Variants in SKAP2 observed in about 807,000 individuals in gnomAD.
SKAP2 encodes src kinase-associated phosphoprotein 2.
A neutral mutation model predicts 54.9 loss-of-function variants in SKAP2; 28 were observed. The observed-to-expected ratio is 0.51, with a 90% CI of 0.38 to 0.70. The LOEUF (loss-of-function observed/expected upper bound fraction) is 0.70. Ranked by LOEUF, SKAP2 falls within the 30% of genes least tolerant of loss-of-function variation. The pLI, the probability that SKAP2 is intolerant of heterozygous loss-of-function variation, is 0.00. For missense variants in SKAP2, 356 were observed against 424.1 expected (o/e 0.84, Z 1.41); for synonymous variants, 137 against 134.3 (o/e 1.02, Z -0.14).
downstream of SKAP2, among the ~76,000 whole-genome samples, chr7:26,664,837 C>T (rs1399296565): frequency 9.2e-5 from 14 of 151,908 alleles, no homozygotes; most frequent in Non-Finnish European, 1.0e-4. Flanking sequence ...TCTATATTCA[C>T]GCCTTTGCAC....
intron 4 of SKAP2, among the ~76,000 whole-genome samples, chr7:26,810,985 T>C (rs1784131182): frequency 6.6e-6 from 1 of 152,122 alleles, no homozygotes; most frequent in Non-Finnish European, 1.5e-5. Context: ...CAGCCCTATA[T>C]ATAATTTTAA....
At chr7:26,725,088 T>C (rs1004834285) in intron 9 of SKAP2, among the ~76,000 whole-genome samples, 2 of 151,976 alleles carry the variant, frequency 1.3e-5, no homozygotes, top group African/African-American at 4.8e-5. Flanking sequence ...GATGTGTGAG[T>C]TGGTGGAAAA....
intron 4 of SKAP2, among the ~76,000 whole-genome samples, chr7:26,819,511 T>A (rs1037626688): frequency 7.2e-5 from 11 of 151,730 alleles, no homozygotes; most frequent in Non-Finnish European, 1.5e-4. Context: ...ATGACACATG[T>A]ATACCTATGT....
At chr7:26,685,673 T>G (rs1223093338) in intron 10 of SKAP2, among the ~76,000 whole-genome samples, 2 of 152,198 alleles carry the variant, frequency 1.3e-5, no homozygotes, top group Admixed American at 1.3e-4. Context: ...ATTTAGCACT[T>G]TCCACTCTGT....
chr7:26,702,194 A>C (rs1787042373), intron 9 of SKAP2, among the ~76,000 whole-genome samples: 1 of 152,070 alleles, frequency 6.6e-6, no homozygotes, highest in Non-Finnish European at 1.5e-5. Context: ...TCACACTGTC[A>C]CCCAAGTTGG....
chr7:26,807,749 T>C (rs1784059567), intron 4 of SKAP2, among the ~76,000 whole-genome samples: 1 of 152,158 alleles, frequency 6.6e-6, no homozygotes, highest in African/African-American at 2.4e-5. Context: ...CTTTTAAAAA[T>C]TGCCACAGCC....
intron 9 of SKAP2, among the ~76,000 whole-genome samples, chr7:26,690,764 C>G (rs17154348): frequency 1.3e-5 from 2 of 152,016 alleles, no homozygotes; most frequent in Admixed American, 6.5e-5. Context: ...AAAGTAACAC[C>G]CAGCGTTATA....
chr7:26,714,387 G>A (rs192694042), intron 9 of SKAP2, among the ~76,000 whole-genome samples: 181 of 152,208 alleles, frequency 1.2e-3, no homozygotes, highest in Admixed American at 4.6e-3. Flanking sequence ...TTATTTCTTC[G>A]TAAAAATTCT....
At chr7:26,768,645 C>A (rs1255332916) in intron 4 of SKAP2, among the ~76,000 whole-genome samples, 4 of 152,162 alleles carry the variant, frequency 2.6e-5, no homozygotes, top group African/African-American at 7.2e-5. Flanking sequence ...TCTTGTAAGG[C>A]AGGCCCGGTG....
the SKAP2 span, among the ~76,000 whole-genome samples, chr7:26,658,124 T>C: frequency 6.6e-6 from 1 of 152,282 alleles, no homozygotes; most frequent in Non-Finnish European, 1.5e-5. Context: ...AAAGGGGACA[T>C]ATCCCCTCAC....
rs1182030535 is a variant in SKAP2, at chr7:26,825,485, C to A, written c.307+18545G>T. On this transcript the variant is annotated intron_variant, in intron 4 of 12. Coordinates refer to ENST00000345317, the MANE Select transcript of SKAP2 (RefSeq NM_003930.5). Reference sequence around the variant, plus strand: ...TTGTACCTTTTCATATAGGTGCTAACAAGTAAAAGTGATTGGTTTATTTTA... The same window carrying A: ...TTGTACCTTTTCATATAGGTGCTAAAAAGTAAAAGTGATTGGTTTATTTTA... Among the ~76,000 whole-genome samples, 3 of 147,374 alleles carry A rather than the reference C, an allele frequency of 2.0e-5. No homozygotes were observed. In the East Asian group the frequency reaches 6.0e-4, roughly 29 times the overall value.
chr7:26,743,306 T>C (rs1395326484), intron 4 of SKAP2, among the ~76,000 whole-genome samples: 1 of 152,212 alleles, frequency 6.6e-6, no homozygotes, highest in Non-Finnish European at 1.5e-5. Flanking sequence ...TATATGTTAC[T>C]ATAACTGTAA....
chr7:26,734,011 G>A (rs1296538216), intron 6 of SKAP2, among the ~76,000 whole-genome samples: 2 of 152,062 alleles, frequency 1.3e-5, no homozygotes, highest in Non-Finnish European at 2.9e-5. Flanking sequence ...CAGAAAAAAG[G>A]GAAAAAACAC....
chr7:26,776,840 T>C (rs952133229), intron 4 of SKAP2, among the ~76,000 whole-genome samples: 2 of 152,196 alleles, frequency 1.3e-5, no homozygotes, highest in African/African-American at 4.8e-5. Context: ...TGATAGAGCC[T>C]GACTTTTTAG....
At chr7:26,769,353 T>C (rs1487786901) in intron 4 of SKAP2, among the ~76,000 whole-genome samples, 2 of 152,224 alleles carry the variant, frequency 1.3e-5, no homozygotes, top group Non-Finnish European at 2.9e-5. Flanking sequence ...TAGCAGTTCC[T>C]CTAACCTTTT....
chr7:26,856,604 C>T (rs1175714384), intron 1 of SKAP2, among the ~76,000 whole-genome samples: 1 of 152,090 alleles, frequency 6.6e-6, no homozygotes, highest in African/African-American at 2.4e-5. Flanking sequence ...AGCAAGCAAC[C>T]TTTGGATATT....
rs887500495 is a variant in SKAP2 at position 26,764,772 on chromosome 7, C to T, written c.308-24808G>A. On this transcript the variant is annotated intron_variant, in intron 4 of 12. Coordinates refer to ENST00000345317, the MANE Select transcript of SKAP2 (RefSeq NM_003930.5). ...TTCACTGTGTTAGCCAGGAGGGTCTCGATCTCCTGACCTCGTGATCCGCCC... is the reference window on the plus strand; with the variant it reads ...TTCACTGTGTTAGCCAGGAGGGTCTTGATCTCCTGACCTCGTGATCCGCCC... 6.6e-5 allele frequency among the ~76,000 whole-genome samples: 10 copies of T among 152,174 alleles called. No homozygotes were observed. The East Asian group carries it at 1.7e-3, about 27-fold the overall frequency.
chr7:26,690,423 C>T, intron 9 of SKAP2, 61 bp from the exon 10 acceptor site: 1 of 1,032,100 alleles, frequency 9.7e-7, no homozygotes. Flanking sequence ...CACTACAGTA[C>T]TCACTCAATT....
intron 4 of SKAP2, among the ~76,000 whole-genome samples, chr7:26,783,271 C>T (rs1783465507): frequency 6.6e-6 from 1 of 152,126 alleles, no homozygotes; most frequent in African/African-American, 2.4e-5. Context: ...ACTTGTGTTC[C>T]TAAGAATATC....
Sources: allele counts gnomAD v4.1 joint callset (sites outside exome capture counted in the v4.1 genomes callset), GRCh38; gene constraint gnomAD v4.1.1; transcripts MANE v1.5; gene names NCBI Gene and HGNC (gene_info 2026-07-23, HGNC 2026-07-21).